MTLN: variants seen among roughly 807,000 people sequenced by gnomAD.
MTLN encodes mitoregulin, also known as TP53-inhibiting lncRNA.
At chr2:110,211,699 T>C (rs1033653466) in intron 1 of MTLN, 77 bp from the exon 2 acceptor site, 5 of 152,174 alleles carry the variant, frequency 3.3e-5, no homozygotes, top group African/African-American at 7.2e-5. Context: ...TATTAAACCA[T>C]GAACCATAAG....
chr2:110,211,661 C>G (rs942225922), intron 1 of MTLN, 39 bp from the exon 2 acceptor site: 1 of 152,142 alleles, frequency 6.6e-6, no homozygotes, highest in South Asian at 2.1e-4. Flanking sequence ...TAGAAATACA[C>G]AATCTGAAAC....
rs1322036798 is a variant in MTLN, at chr2:110,212,284, G to C, written c.*71C>G. 1 of 393,778 alleles carries C rather than the reference G, an allele frequency of 2.5e-6. No individual in the cohort carries two copies. The highest frequency in any genetic ancestry group is 3.6e-5 in the East Asian group (1 of 28,060). 24.4% of individuals were successfully genotyped at this position (393,778 alleles called of 1,614,324 possible). ...GCAAGCCTGGTTCTGGGCGCCGGCGGACCGGGGCTCCGGCGCGGACATGGC... is the reference window on the plus strand; with the variant it reads ...GCAAGCCTGGTTCTGGGCGCCGGCGCACCGGGGCTCCGGCGCGGACATGGC... On this transcript the variant is annotated 3_prime_UTR_variant, in exon 1 of 2. Coordinates refer to ENST00000611969, the MANE Select transcript of MTLN (RefSeq NM_001384134.1).
Position 110,212,304 on chromosome 2 carries a change from C to T in MTLN, c.*51G>A. 2.9e-6 allele frequency: 1 copy of T among 340,202 alleles called. No homozygotes were observed. The highest frequency in any genetic ancestry group is 4.8e-6 in the Non-Finnish European group (1 of 207,024). 21.1% of individuals were successfully genotyped at this position (340,202 alleles called of 1,614,324 possible). ...CGGCGGACCGGGGCTCCGGCGCGGACATGGCAAGGTGGCCATGAGGGGGAC... is the reference window on the plus strand; with the variant it reads ...CGGCGGACCGGGGCTCCGGCGCGGATATGGCAAGGTGGCCATGAGGGGGAC... On this transcript the variant is annotated 3_prime_UTR_variant, in exon 1 of 2. Transcript: ENST00000611969.
chr2:110,211,938 GTTCT>G (rs1232710270), intron 1 of MTLN, among the ~76,000 whole-genome samples: 1 of 152,130 alleles, frequency 6.6e-6, no homozygotes, highest in Non-Finnish European at 1.5e-5. Context: ...CACCTCCCTG[GTTCT>G]TTTTTTCTTT....
In MTLN at chr2:110,212,243, AGGCGGGGACTGTGT is replaced by A; in HGVS notation, c.*98_*111del. 1 of 394,010 alleles carries A rather than the reference AGGCGGGGACTGTGT, an allele frequency of 2.5e-6. No individual in the cohort carries two copies. The highest frequency in any genetic ancestry group is 4.4e-6 in the Non-Finnish European group (1 of 224,726). The allele number at this position is 394,010 out of a possible 1,614,324, so 24.4% of individuals were successfully genotyped here. ...CACTCCAGGAAGAGCCGGCCATGGC[AGGCGGGGACTGTGT>A]GGCAAGCCTGGTTCTGGGCGCCGGC... On this transcript the variant is annotated 3_prime_UTR_variant, in exon 1 of 2. Transcript: ENST00000611969.
rs866008204 is a variant in MTLN, at chr2:110,212,347, G to A, written c.*8C>T. 5.0e-6 allele frequency: 2 copies of A among 399,038 alleles called. No individual in the cohort carries two copies. Among genetic ancestry groups the A allele is most frequent in the Non-Finnish European group, 4.4e-6 (1 of 226,078 alleles). 24.7% of individuals were successfully genotyped at this position (399,038 alleles called of 1,614,324 possible). A position where few individuals can be genotyped will look rare whatever the true frequency, so the allele number is the denominator to read the frequency against. On this transcript the variant is annotated 3_prime_UTR_variant, in exon 1 of 2. Coordinates refer to ENST00000611969, the MANE Select transcript of MTLN (RefSeq NM_001384134.1). ...AGGGGGACAGAATGGGGCGGAAGGC[G>A]CAGAGTCTCAGGCCAGGTCCAGCTT...
rs1037459274 is a variant in MTLN, at chr2:110,212,431, C to T, written c.95G>A (p.Arg32Lys). Residue 32 changes from arginine (R) to lysine (K), a missense_variant, in exon 1 of 2, where the codon AGG becomes AAG. Physicochemically the swap from Arg to Lys is conservative, Grantham distance 26 (BLOSUM62 2). Transcript: ENST00000611969. ...LLGWQANRLRRRYLDWRKRRL... is the reference protein window; with the variant it reads ...LLGWQANRLRKRYLDWRKRRL... The stretch of plus-strand genomic sequence containing the variant: ...CCTTTTCCTCCAGTCCAAGTAGCGC[C>T]TCCGCAGTCGGTTCGCCTGCCAGCC... The T allele has an allele frequency of 7.3e-5, 29 of 399,410 alleles. No individual in the cohort carries two copies. Among genetic ancestry groups the T allele is most frequent in the Non-Finnish European group, 1.1e-4 (26 of 226,500 alleles). The allele number at this position is 399,410 out of a possible 1,614,324, so 24.7% of individuals were successfully genotyped here.
Position 110,211,532 on chromosome 2 carries a change from GT to G in MTLN, c.*230del, listed in dbSNP as rs1686101100. 1.3e-5 allele frequency: 2 copies of G among 152,252 alleles called. No individual in the cohort carries two copies. The highest frequency in any genetic ancestry group is 4.2e-4 in the South Asian group (2 of 4,818). The allele number at this position is 152,252 out of a possible 1,614,324, so 9.4% of individuals were successfully genotyped here. ...ATGAAAAAATAAAAGGGTCAAAGAT[GT>G]TTAATTTTTTTATTTTAAAAATAAA... On this transcript the variant is annotated 3_prime_UTR_variant, in exon 2 of 2. Coordinates refer to ENST00000611969, the MANE Select transcript of MTLN (RefSeq NM_001384134.1).
At chr2:110,211,914 G>A (rs2104740656) in intron 1 of MTLN, among the ~76,000 whole-genome samples, 1 of 152,304 alleles carries the variant, frequency 6.6e-6, no homozygotes, top group South Asian at 2.1e-4. Flanking sequence ...GAAAAGAATT[G>A]GGGGTGGCAA....
At chr2:110,212,009 A>G (rs942298042) in intron 1 of MTLN, among the ~76,000 whole-genome samples, 2 of 152,198 alleles carry the variant, frequency 1.3e-5, no homozygotes, top group East Asian at 1.9e-4. Flanking sequence ...GAACGACGAC[A>G]TAGCACGTTG....
intron 1 of MTLN, 72 bp downstream of exon 1, chr2:110,212,143 C>A: frequency 2.6e-6 from 1 of 385,784 alleles, no homozygotes. Flanking sequence ...TGCGACCTAG[C>A]CAGAGTTGAT....
At position 110,212,460 on chromosome 2, in the gene MTLN, G is replaced by A; in HGVS notation, c.66C>T (p.Leu22=). 2 of 399,130 alleles carry A rather than the reference G, an allele frequency of 5.0e-6. No homozygotes were observed. Among genetic ancestry groups the A allele is most frequent in the Non-Finnish European group, 4.4e-6 (1 of 226,162 alleles). 24.7% of individuals were successfully genotyped at this position (399,130 alleles called of 1,614,324 possible). The change falls in exon 1 of 2, where the codon CTC becomes CTT. Residue 22 remains leucine, a synonymous_variant. Transcript: ENST00000611969. The stretch of plus-strand genomic sequence containing the variant: ...GCAGTCGGTTCGCCTGCCAGCCCAG[G>A]AGTACTCCAGAAGCGAAGGCTACTA... ...SVLVAFASGV[L]LGWQANRLRR...
Position 110,212,425 on chromosome 2 carries a change from T to G in MTLN, c.101A>C (p.Tyr34Ser). The G allele has an allele frequency of 2.5e-6, 1 of 399,508 alleles. No individual in the cohort carries two copies. Among genetic ancestry groups the G allele is most frequent in the Non-Finnish European group, 4.4e-6 (1 of 226,506 alleles). The allele number at this position is 399,508 out of a possible 1,614,324, so 24.7% of individuals were successfully genotyped here. ...GWQANRLRRR[Y>S]LDWRKRRLQD... Reference sequence around the variant, plus strand: ...CAGCCTCCTTTTCCTCCAGTCCAAGTAGCGCCTCCGCAGTCGGTTCGCCTG... The same window carrying G: ...CAGCCTCCTTTTCCTCCAGTCCAAGGAGCGCCTCCGCAGTCGGTTCGCCTG... The change falls in exon 1 of 2, where the codon TAC becomes TCC. Residue 34 changes from tyrosine (Y) to serine (S), a missense_variant. By Grantham distance (144) the Tyr-to-Ser change is moderately radical. Coordinates refer to ENST00000611969, the MANE Select transcript of MTLN (RefSeq NM_001384134.1).
chr2:110,212,440 C>A lies in MTLN; in HGVS notation c.86G>T (p.Arg29Leu). Residue 29 changes from arginine to leucine, a missense_variant, in exon 1 of 2, where the codon CGA becomes CTA. Transcript: ENST00000611969. ...SGVLLGWQANRLRRRYLDWRK... is the reference protein window; with the variant it reads ...SGVLLGWQANLLRRRYLDWRK... Reference sequence around the variant, plus strand: ...CCAGTCCAAGTAGCGCCTCCGCAGTCGGTTCGCCTGCCAGCCCAGGAGTAC... The same window carrying A: ...CCAGTCCAAGTAGCGCCTCCGCAGTAGGTTCGCCTGCCAGCCCAGGAGTAC... 1 of 399,386 alleles carries A rather than the reference C, an allele frequency of 2.5e-6. No homozygotes were observed. Among genetic ancestry groups the A allele is most frequent in the Non-Finnish European group, 4.4e-6 (1 of 226,414 alleles). The allele number at this position is 399,386 out of a possible 1,614,324, so 24.7% of individuals were successfully genotyped here.
Position 110,212,354 on chromosome 2 carries a change from C to A in MTLN, c.*1G>T. 1 of 398,210 alleles carries A rather than the reference C, an allele frequency of 2.5e-6. No individual in the cohort carries two copies. The allele number at this position is 398,210 out of a possible 1,614,324, so 24.7% of individuals were successfully genotyped here. A position where few individuals can be genotyped will look rare whatever the true frequency, so the allele number is the denominator to read the frequency against. ...CAGAATGGGGCGGAAGGCGCAGAGT[C>A]TCAGGCCAGGTCCAGCTTCTTCTGC... is the stretch of plus-strand genomic sequence containing the variant. On this transcript the variant is annotated 3_prime_UTR_variant, in exon 1 of 2. Transcript: ENST00000611969.
intron 1 of MTLN, among the ~76,000 whole-genome samples, chr2:110,211,938 GTTC>G (rs2104740666): frequency 6.6e-6 from 1 of 152,248 alleles, no homozygotes; most frequent in South Asian, 2.1e-4. Context: ...CACCTCCCTG[GTTC>G]TTTTTTTCTT....
chr2:110,211,790 G>C (rs1686106915), intron 1 of MTLN, among the ~76,000 whole-genome samples, 168 bp from the exon 2 acceptor site: 1 of 152,152 alleles, frequency 6.6e-6, no homozygotes, highest in African/African-American at 2.4e-5. Flanking sequence ...TGGATGCAAG[G>C]TTCCTGACTT....
In MTLN at chr2:110,212,249, G is replaced by A; in HGVS notation, c.*106C>T. 1 of 394,558 alleles carries A rather than the reference G, an allele frequency of 2.5e-6. No homozygotes were observed. Among genetic ancestry groups the A allele is most frequent in the Non-Finnish European group, 4.4e-6 (1 of 225,038 alleles). The allele number at this position is 394,558 out of a possible 1,614,324, so 24.4% of individuals were successfully genotyped here. On this transcript the variant is annotated 3_prime_UTR_variant, in exon 1 of 2. Coordinates refer to ENST00000611969, the MANE Select transcript of MTLN (RefSeq NM_001384134.1). ...AGGAAGAGCCGGCCATGGCAGGCGG[G>A]GACTGTGTGGCAAGCCTGGTTCTGG... is the stretch of plus-strand genomic sequence containing the variant.
rs1686120828 is a variant in MTLN at position 110,212,480 on chromosome 2, C to G, written c.46G>C (p.Ala16Pro). The change falls in exon 1 of 2, where the codon GCC becomes CCC. Residue 16 changes from alanine (A) to proline (P), a missense_variant. Coordinates refer to ENST00000611969, the MANE Select transcript of MTLN (RefSeq NM_001384134.1). Reference sequence around the variant, plus strand: ...CCCAGGAGTACTCCAGAAGCGAAGGCTACTAGCACGGACAACTGCAGTGTC... The same window carrying G: ...CCCAGGAGTACTCCAGAAGCGAAGGGTACTAGCACGGACAACTGCAGTGTC... ...ERTLQLSVLVAFASGVLLGWQ... is the reference protein window; with the variant it reads ...ERTLQLSVLVPFASGVLLGWQ... 1 of 398,956 alleles carries G rather than the reference C, an allele frequency of 2.5e-6. No individual in the cohort carries two copies. Among genetic ancestry groups the G allele is most frequent in the South Asian group, 1.3e-4 (1 of 7,856 alleles). 24.7% of individuals were successfully genotyped at this position (398,956 alleles called of 1,614,324 possible). A position where few individuals can be genotyped will look rare whatever the true frequency, so the allele number is the denominator to read the frequency against.
Sources: allele counts gnomAD v4.1 joint callset (sites outside exome capture counted in the v4.1 genomes callset), GRCh38; gene constraint gnomAD v4.1.1; transcripts MANE v1.5; gene names NCBI Gene and HGNC (gene_info 2026-07-23, HGNC 2026-07-21).